The following SOX5 variants were observed in gnomAD, a reference collection of about 807,000 sequenced individuals.
SOX5 encodes transcription factor SOX-5.
In SOX5, 9 loss-of-function variants were observed where a neutral mutation model predicts 92.0. The ratio of observed to expected loss-of-function variants is 0.10; its 90% CI spans 0.06 to 0.17. The LOEUF (loss-of-function observed/expected upper bound fraction) is 0.17. Among genes scored for constraint, SOX5 ranks in the 10% least tolerant of loss-of-function variants. SOX5 has a pLI of 1.00. For synonymous variants in SOX5, 344 were observed against 336.3 expected (o/e 1.02, Z -0.25); for missense variants, 642 against 944.5 (o/e 0.68, Z 4.20).
chr12:23,530,798 A>AGTGTGTGTTGTGTGTGTGTGTGT lies in SOX5; in HGVS notation c.*3420_*3421insACACACACACACACAACACACAC, dbSNP rs1555114760. 9.1e-6 allele frequency: 1 copy of AGTGTGTGTTGTGTGTGTGTGTGT among 109,472 alleles called. No individual in the cohort carries two copies. Among genetic ancestry groups the AGTGTGTGTTGTGTGTGTGTGTGT allele is most frequent in the Non-Finnish European group, 1.9e-5 (1 of 51,770 alleles). 6.8% of individuals were successfully genotyped at this position (109,472 alleles called of 1,614,324 possible). A position where few individuals can be genotyped will look rare whatever the true frequency, so the allele number is the denominator to read the frequency against. On this transcript the variant is annotated 3_prime_UTR_variant, in exon 15 of 15. Coordinates refer to ENST00000451604, the MANE Select transcript of SOX5 (RefSeq NM_006940.6). ...AAGATTATTTCTCAGTGTTGGGGCA[A>AGTGTGTGTTGTGTGTGTGTGTGT]GTGTGTGTGTGTGTGTGTGTGCGCG...
intron 9 of SOX5, among the ~76,000 whole-genome samples, chr12:23,600,593 G>C (rs2074363559): frequency 8.0e-6 from 1 of 125,238 alleles, no homozygotes; most frequent in African/African-American, 3.1e-5. Flanking sequence ...AAGGCATTGA[G>C]AAAAGAAAAA....
chr12:24,163,581 G>C (rs1464691997), intron 4 of SOX5, among the ~76,000 whole-genome samples: 2 of 150,898 alleles, frequency 1.3e-5, no homozygotes, highest in Non-Finnish European at 2.9e-5. Context: ...GCATTATCTG[G>C]CTTGGGTCAT....
intron 1 of SOX5, among the ~76,000 whole-genome samples, chr12:23,947,444 C>G (rs914479161): frequency 6.6e-6 from 1 of 151,830 alleles, no homozygotes; most frequent in African/African-American, 2.4e-5. Context: ...ACATGATACA[C>G]TGTATCATGC....
At chr12:23,955,701 T>A (rs186096767), upstream of SOX5, among the ~76,000 whole-genome samples, 22 of 152,230 alleles carry the variant, frequency 1.4e-4, no homozygotes, top group African/African-American at 5.3e-4. Flanking sequence ...GAAAATGATG[T>A]AACTCAATCA....
Position 24,524,383 on chromosome 12 carries a change from C to CTATCTATG in SOX5, c.-251+37945_-251+37946insCATAGATA, listed in dbSNP as rs1194745936. 1.7e-3 allele frequency among the ~76,000 whole-genome samples: 264 copies of CTATCTATG among 152,006 alleles called. 2 individuals carry two copies. The highest frequency in any genetic ancestry group is 6.0e-3 in the African/African-American group (250 of 41,448). On this transcript the variant is annotated intron_variant, in intron 1 of 4. Transcript: ENST00000446891. The stretch of plus-strand genomic sequence containing the variant: ...TCTATCTATCTATCTATCTATCTAT[C>CTATCTATG]TATCCATCCATCCATCCATCCTTCT...
chr12:24,345,208 T>C (rs1255009015), intron 2 of SOX5, among the ~76,000 whole-genome samples: 2 of 152,232 alleles, frequency 1.3e-5, no homozygotes, highest in South Asian at 2.1e-4. Flanking sequence ...CTGTAATGTA[T>C]ACATTTTATT....
chr12:23,640,676 G>T, intron 8 of SOX5, 136 bp downstream of exon 8: 1 of 680,048 alleles, frequency 1.5e-6, no homozygotes, highest in Non-Finnish European at 2.6e-6. Context: ...TGTGGTTGAG[G>T]ATCATTACAA....
At chr12:24,218,645 C>T (rs1025640600) in intron 3 of SOX5, among the ~76,000 whole-genome samples, 4 of 151,992 alleles carry the variant, frequency 2.6e-5, no homozygotes, top group Non-Finnish European at 4.4e-5. Context: ...AATTATAACT[C>T]AACAAACAAG....
rs1156953114 is a variant in SOX5 at position 23,579,782 on chromosome 12, A to G, written c.1165-3944T>C. Among the ~76,000 whole-genome samples the G allele has an allele frequency of 7.2e-5, 11 of 152,100 alleles. No individual in the cohort carries two copies. In the East Asian group the frequency reaches 1.9e-3, roughly 27 times the overall value. On this transcript the variant is annotated intron_variant, in intron 9 of 14. Coordinates refer to ENST00000451604, the MANE Select transcript of SOX5 (RefSeq NM_006940.6). ...TAAAACACACATTTAAACATGTTAAATAAATTACTTACAAATAAAAGGATA... is the reference window on the plus strand; with the variant it reads ...TAAAACACACATTTAAACATGTTAAGTAAATTACTTACAAATAAAAGGATA...
chr12:23,961,360 T>C (rs1337396468), intron 4 of SOX5, among the ~76,000 whole-genome samples: 3 of 152,152 alleles, frequency 2.0e-5, no homozygotes, highest in Admixed American at 2.0e-4. Flanking sequence ...TCATATATGA[T>C]TGTTCATGCT....
intron 8 of SOX5, among the ~76,000 whole-genome samples, chr12:23,631,036 G>T (rs561749401): frequency 1.8e-4 from 27 of 152,028 alleles, no homozygotes; most frequent in Admixed American, 3.9e-4. Flanking sequence ...GTTACAAGTT[G>T]TATGTAATGC....
At chr12:24,560,921 G>A (rs994469431) in intron 1 of SOX5, among the ~76,000 whole-genome samples, 9 of 152,092 alleles carry the variant, frequency 5.9e-5, no homozygotes, top group African/African-American at 2.2e-4. Context: ...TGTGTTTTCA[G>A]GGTACTAGGG....
intron 1 of SOX5, among the ~76,000 whole-genome samples, chr12:23,932,592 G>A (rs1342020188): frequency 1.3e-5 from 2 of 151,478 alleles, no homozygotes; most frequent in Non-Finnish European, 3.0e-5. Flanking sequence ...GAAAGTGAAG[G>A]GGGCAAAGTT....
At chr12:24,478,903 C>T (rs545483799) in intron 1 of SOX5, among the ~76,000 whole-genome samples, 53 of 152,196 alleles carry the variant, frequency 3.5e-4, no homozygotes, top group Non-Finnish European at 6.8e-4. Context: ...GTGATTCCCT[C>T]GCTGGGAAAT....
At chr12:24,270,107 G>T (rs1168940168) in intron 3 of SOX5, among the ~76,000 whole-genome samples, 1 of 151,920 alleles carries the variant, frequency 6.6e-6, no homozygotes, top group Non-Finnish European at 1.5e-5. Context: ...TGTCGTCCAG[G>T]CTGGAGTGCA....
In SOX5 at chr12:23,863,458, TAACA is replaced by T. The variant is rs374309653; in HGVS notation, c.271-17269_271-17266del. On this transcript the variant is annotated intron_variant, in intron 2 of 14. Coordinates refer to ENST00000451604, the MANE Select transcript of SOX5 (RefSeq NM_006940.6). ...GTTTAAGCCATGGCTTCAAGTTAAA[TAACA>T]AACAATTTCAATCCACATCTCTGAT... is the stretch of plus-strand genomic sequence containing the variant. 1.2e-4 allele frequency among the ~76,000 whole-genome samples: 18 copies of T among 152,304 alleles called. No individual in the cohort carries two copies. The East Asian group carries it at 1.3e-3, about 11-fold the overall frequency.
At chr12:24,370,655 G>T (rs1956644976) in intron 1 of SOX5, among the ~76,000 whole-genome samples, 1 of 152,014 alleles carries the variant, frequency 6.6e-6, no homozygotes, top group Middle Eastern at 3.2e-3. Flanking sequence ...AGCCAGGCGT[G>T]GGGGCACGCG....
At chr12:23,545,790 A>G (rs549802272) in intron 12 of SOX5, among the ~76,000 whole-genome samples, 6 of 151,776 alleles carry the variant, frequency 4.0e-5, no homozygotes, top group Non-Finnish European at 7.4e-5. Context: ...TAAAACTAGC[A>G]CTTTGGGAGG....
chr12:23,703,944 C>T (rs2091022510), intron 6 of SOX5, among the ~76,000 whole-genome samples: 1 of 151,932 alleles, frequency 6.6e-6, no homozygotes, highest in Non-Finnish European at 1.5e-5. Flanking sequence ...TATAGATACT[C>T]CTGCATTCTC....
Sources: allele counts gnomAD v4.1 joint callset (sites outside exome capture counted in the v4.1 genomes callset), GRCh38; gene constraint gnomAD v4.1.1; transcripts MANE v1.5; gene names NCBI Gene and HGNC (gene_info 2026-07-23, HGNC 2026-07-21).